The following ZFYVE28 variants were observed in gnomAD, a reference collection of about 807,000 sequenced individuals.
ZFYVE28 encodes the protein zinc finger FYVE-type containing 28, also known as lateral signaling target protein 2 homolog.
In ZFYVE28, 40 loss-of-function variants were observed where a neutral mutation model predicts 82.1. The observed-to-expected ratio is 0.49, with a 90% CI of 0.38 to 0.63. ZFYVE28 has a LOEUF of 0.63. Ranked by LOEUF, ZFYVE28 falls within the 30% of genes least tolerant of loss-of-function variation. ZFYVE28 has a pLI of 0.00. For synonymous variants in ZFYVE28, 612 were observed against 546.1 expected, an observed-to-expected ratio of 1.12 and a Z score of -1.68; for missense variants, 1,321 against 1,242.1, an observed-to-expected ratio of 1.06 and a Z score of -0.96.
At chr4:2,293,479 T>C (rs10452334) in intron 8 of ZFYVE28, among the ~76,000 whole-genome samples, 102,714 of 152,012 alleles carry the variant, frequency 0.68, 35,880 homozygotes, top group African/African-American at 0.86. Flanking sequence ...ATCAGCCGGG[T>C]ATGGTGGCTC....
chr4:2,317,403 C>T (rs748650508), intron 7 of ZFYVE28, among the ~76,000 whole-genome samples: 1 of 152,180 alleles, frequency 6.6e-6, no homozygotes, highest in African/African-American at 2.4e-5. Flanking sequence ...TTAGGCTGAC[C>T]GCATGAGGTC....
chr4:2,334,209 C>T (rs1578134932), intron 6 of ZFYVE28, among the ~76,000 whole-genome samples: 1 of 152,134 alleles, frequency 6.6e-6, no homozygotes, highest in Non-Finnish European at 1.5e-5. Flanking sequence ...AGGCCCTGAG[C>T]TATTGGAGGG....
chr4:2,337,019 A>AATGATGAG (rs1721913858), intron 5 of ZFYVE28, among the ~76,000 whole-genome samples: 1 of 136,724 alleles, frequency 7.3e-6, no homozygotes, highest in African/African-American at 2.6e-5. Flanking sequence ...GGAGGTGAGG[A>AATGATGAG]GTGAGGACAT....
chr4:2,368,930 G>A (rs1476216644), intron 1 of ZFYVE28, among the ~76,000 whole-genome samples: 1 of 152,240 alleles, frequency 6.6e-6, no homozygotes, highest in Non-Finnish European at 1.5e-5. Context: ...TCATAGAGCA[G>A]CAGTTGGTGT....
chr4:2,381,775 T>C (rs780106745), intron 1 of ZFYVE28, among the ~76,000 whole-genome samples: 1 of 152,244 alleles, frequency 6.6e-6, no homozygotes, highest in Non-Finnish European at 1.5e-5. Context: ...AGAAATTTGC[T>C]TAAGTAATGA....
At position 2,339,691 on chromosome 4, in the gene ZFYVE28, T is replaced by C. The variant is rs1290669853; in HGVS notation, c.319-36A>G. ...GGACACACTCAGGGAGGGGCCCGGG[T>C]GAGGGCCAGGCTCTCAGGGGTCGCC... On this transcript the variant is annotated intron_variant, in intron 3 of 12. Transcript: ENST00000290974. The surrounding 1 kb of genome is among the most constrained non-coding windows in gnomAD (Gnocchi z 5.0). 6.5e-7 allele frequency: 1 copy of C among 1,550,252 alleles called. No homozygotes were observed. The highest frequency in any genetic ancestry group is 2.4e-5 in the East Asian group (1 of 42,180).
chr4:2,303,182 G>A lies in ZFYVE28; in HGVS notation c.2051+1107C>T, dbSNP rs73203326. Among the ~76,000 whole-genome samples the A allele has an allele frequency of 9.5e-3, 1,445 of 152,192 alleles. 8 individuals are homozygous for A. The highest frequency in any genetic ancestry group is 0.015 in the Non-Finnish European group (992 of 67,986). On this transcript the variant is annotated intron_variant, in intron 8 of 12. Coordinates refer to ENST00000290974, the MANE Select transcript of ZFYVE28 (RefSeq NM_020972.3). Reference sequence around the variant, plus strand: ...AGGCCCTGAGTCCTGAGTGGGCAGCGGAAAGGAAGAACGGCCTGACCGTCA... The same window carrying A: ...AGGCCCTGAGTCCTGAGTGGGCAGCAGAAAGGAAGAACGGCCTGACCGTCA...
chr4:2,405,604 G>A (rs1016166489), intron 1 of ZFYVE28, among the ~76,000 whole-genome samples: 1 of 152,250 alleles, frequency 6.6e-6, no homozygotes, highest in Non-Finnish European at 1.5e-5. Flanking sequence ...AGGTCAGAGG[G>A]AAGGGGCCGG....
chr4:2,366,558 A>AGCCTTCCC (rs1174507152), intron 1 of ZFYVE28, among the ~76,000 whole-genome samples: 1 of 152,264 alleles, frequency 6.6e-6, no homozygotes, highest in Non-Finnish European at 1.5e-5. Context: ...AAGAGCTGGC[A>AGCCTTCCC]GCCTTCCCCA....
chr4:2,302,576 CA>C (rs1560165028), intron 8 of ZFYVE28, among the ~76,000 whole-genome samples: 1 of 152,246 alleles, frequency 6.6e-6, no homozygotes, highest in African/African-American at 2.4e-5. Context: ...GGCAGCTCCT[CA>C]AAATGCCACA....
intron 1 of ZFYVE28, among the ~76,000 whole-genome samples, chr4:2,384,189 C>A (rs939442460): frequency 2.0e-5 from 3 of 152,174 alleles, no homozygotes; most frequent in Non-Finnish European, 4.4e-5. Context: ...GCCACAGAGC[C>A]CTCTCCTCCC....
chr4:2,395,990 G>A (rs917188640), intron 1 of ZFYVE28, among the ~76,000 whole-genome samples: 12 of 152,194 alleles, frequency 7.9e-5, no homozygotes, highest in African/African-American at 1.2e-4. Context: ...AATTCAGCCC[G>A]GGTGAGACCC....
intron 4 of ZFYVE28, among the ~76,000 whole-genome samples, chr4:2,338,615 T>C (rs1578159982): frequency 6.6e-6 from 1 of 152,056 alleles, no homozygotes; most frequent in East Asian, 1.9e-4. Context: ...AATAAATAAA[T>C]AAATCACTAA....
chr4:2,301,845 C>T (rs987573480), intron 8 of ZFYVE28, among the ~76,000 whole-genome samples: 9 of 152,352 alleles, frequency 5.9e-5, no homozygotes, highest in Non-Finnish European at 1.0e-4. Flanking sequence ...CTGCCTCACA[C>T]GGCCGTGAAG....
intron 1 of ZFYVE28, among the ~76,000 whole-genome samples, chr4:2,366,935 G>A (rs182250569): frequency 9.2e-5 from 14 of 152,348 alleles, no homozygotes; most frequent in African/African-American, 2.6e-4. Context: ...CAAGCCAGAC[G>A]CAAAGCTGGG....
In ZFYVE28 at chr4:2,304,462, G is replaced by A; in HGVS notation, c.1878C>T (p.Pro626=). 6.2e-7 allele frequency: 1 copy of A among 1,613,584 alleles called. No homozygotes were observed. Among genetic ancestry groups the A allele is most frequent in the Non-Finnish European group, 8.5e-7 (1 of 1,179,956 alleles). ...GGCACTTGTCGGAAGTGGGGGCTTT[G>A]GGCTCCCGCCCGTTGGAGGCATCTT... The part of the protein sequence containing the change: ...PSEDASNGRE[P]KAPTSDKCLP... The change falls in exon 8 of 13, where the codon CCC becomes CCT. Residue 626 remains proline, a synonymous_variant. Transcript: ENST00000290974.
At chr4:2,348,118 G>A (rs138421759) in intron 2 of ZFYVE28, among the ~76,000 whole-genome samples, 58 of 152,196 alleles carry the variant, frequency 3.8e-4, no homozygotes, top group African/African-American at 1.2e-3. Flanking sequence ...TAACAGGAAC[G>A]AGAGAGGTGA....
chr4:2,411,275 C>T (rs1237895374), intron 1 of ZFYVE28, among the ~76,000 whole-genome samples: 3 of 152,076 alleles, frequency 2.0e-5, no homozygotes, highest in Admixed American at 6.5e-5. Context: ...AGCAGGAAAA[C>T]AATGAGAAAT....
Position 2,300,216 on chromosome 4 carries a change from T to C in ZFYVE28, c.2051+4073A>G, listed in dbSNP as rs140625059. Among the ~76,000 whole-genome samples, 3 of 152,320 alleles carry C rather than the reference T, an allele frequency of 2.0e-5. No individual in the cohort carries two copies. Among genetic ancestry groups the C allele is most frequent in the Non-Finnish European group, 2.9e-5 (2 of 68,040 alleles). On this transcript the variant is annotated intron_variant, in intron 8 of 12. Transcript: ENST00000290974. This position sits in a 1 kb window ranked among gnomAD's most constrained non-coding sequence, Gnocchi z 4.6. ...AAGGCTGGAAATCCACTTCATGGTG[T>C]CCCTGGAAGGAACAGACAACCAGCC...
Sources: allele counts gnomAD v4.1 joint callset (sites outside exome capture counted in the v4.1 genomes callset), GRCh38; gene constraint gnomAD v4.1.1; non-coding constraint Gnocchi (gnomAD v3.1); transcripts MANE v1.5; gene names NCBI Gene and HGNC (gene_info 2026-07-23, HGNC 2026-07-21).